Variants in ZNF804B observed in about 807,000 individuals in gnomAD.
The protein encoded by ZNF804B is zinc finger protein 804B.
Under a neutral mutation model 101.4 loss-of-function variants are expected in ZNF804B, and 80 were observed. The ratio of observed to expected loss-of-function variants is 0.79; its 90% CI spans 0.66 to 0.95. ZNF804B has a LOEUF of 0.95. Ranked by LOEUF, ZNF804B falls within the 40% of genes least tolerant of loss-of-function variation. The probability of loss-of-function intolerance (pLI) is 0.00; values close to 1 mark genes in which losing one functional copy is unlikely to be tolerated. For missense variants in ZNF804B, 1,673 were observed against 1,561.9 expected (o/e 1.07, Z -1.20); for synonymous variants, 622 against 558.8 (o/e 1.11, Z -1.59).
intron 2 of ZNF804B, among the ~76,000 whole-genome samples, chr7:89,313,882 G>A (rs139816351): frequency 6.6e-6 from 1 of 152,140 alleles, no homozygotes; most frequent in East Asian, 1.9e-4. Flanking sequence ...GGTTATGGAA[G>A]GTAACTACTC....
At chr7:88,937,984 C>A (rs949427984) in intron 1 of ZNF804B, among the ~76,000 whole-genome samples, 1 of 152,014 alleles carries the variant, frequency 6.6e-6, no homozygotes, top group African/African-American at 2.4e-5. Context: ...GTCCTGGGAA[C>A]ATGTGCCCAA....
intron 2 of ZNF804B, among the ~76,000 whole-genome samples, chr7:89,265,308 G>A (rs962480242): frequency 2.1e-5 from 3 of 143,668 alleles, no homozygotes; most frequent in South Asian, 2.2e-4. Flanking sequence ...GTGCGCGCGC[G>A]CACACATGCA....
intron 1 of ZNF804B, among the ~76,000 whole-genome samples, chr7:88,943,421 G>C (rs1418333560): frequency 6.6e-6 from 1 of 151,818 alleles, no homozygotes; most frequent in Non-Finnish European, 1.5e-5. Flanking sequence ...GCAAGCACTT[G>C]CTTACATTGT....
chr7:88,835,680 ATTTG>A (rs1487140243), intron 1 of ZNF804B, among the ~76,000 whole-genome samples: 1 of 151,852 alleles, frequency 6.6e-6, no homozygotes, highest in East Asian at 1.9e-4. Flanking sequence ...GATAGTAGAT[ATTTG>A]CTTTTTATTT....
intron 1 of ZNF804B, among the ~76,000 whole-genome samples, chr7:89,137,410 G>A (rs1160621890): frequency 6.6e-6 from 1 of 152,084 alleles, no homozygotes; most frequent in East Asian, 1.9e-4. Flanking sequence ...ATAAGGTCCA[G>A]GCTGAGGTGG....
intron 2 of ZNF804B, among the ~76,000 whole-genome samples, chr7:89,326,689 C>T (rs1274210108): frequency 3.9e-5 from 6 of 151,952 alleles, no homozygotes; most frequent in Admixed American, 3.9e-4. Context: ...GCATGTAAGT[C>T]AATTGTTTTA....
At chr7:89,091,084 C>T (rs1453451558) in intron 1 of ZNF804B, among the ~76,000 whole-genome samples, 1 of 152,014 alleles carries the variant, frequency 6.6e-6, no homozygotes, top group Non-Finnish European at 1.5e-5. Flanking sequence ...CCAAAATTTA[C>T]TTCATTTTTT....
At chr7:89,238,370 T>C (rs1789315673) in intron 2 of ZNF804B, among the ~76,000 whole-genome samples, 1 of 152,052 alleles carries the variant, frequency 6.6e-6, no homozygotes, top group African/African-American at 2.4e-5. Context: ...AAACTAAGGG[T>C]TGTGATCTGT....
chr7:89,285,870 C>T (rs544984002), intron 2 of ZNF804B, among the ~76,000 whole-genome samples: 1 of 152,268 alleles, frequency 6.6e-6, no homozygotes, highest in South Asian at 2.1e-4. Context: ...ACAAAGCCTC[C>T]ACCTCTTTTG....
chr7:89,155,629 A>G (rs1584020536), intron 1 of ZNF804B, among the ~76,000 whole-genome samples: 1 of 152,184 alleles, frequency 6.6e-6, no homozygotes, highest in East Asian at 1.9e-4. Context: ...GGGGCCCTTC[A>G]TTATCTGGCT....
At chr7:89,161,240 T>C (rs1188358053) in intron 1 of ZNF804B, among the ~76,000 whole-genome samples, 1 of 151,980 alleles carries the variant, frequency 6.6e-6, no homozygotes, top group Non-Finnish European at 1.5e-5. Flanking sequence ...TAAAGCAGTC[T>C]CTAAAACCCA....
intron 2 of ZNF804B, among the ~76,000 whole-genome samples, chr7:89,308,266 A>C (rs372221880): frequency 6.6e-6 from 1 of 152,176 alleles, no homozygotes; most frequent in Non-Finnish European, 1.5e-5. Context: ...TCTGTGAGCA[A>C]TACTAGTGAA....
At chr7:89,034,659 A>T (rs1367532307) in intron 1 of ZNF804B, among the ~76,000 whole-genome samples, 1 of 152,184 alleles carries the variant, frequency 6.6e-6, no homozygotes, top group East Asian at 1.9e-4. Flanking sequence ...ACTGATGGGC[A>T]TTTGGGTTGG....
Position 89,333,783 on chromosome 7 carries a change from G to T in ZNF804B, c.801G>T (p.Arg267Ser), listed in dbSNP as rs374226876. The stretch of plus-strand genomic sequence containing the variant: ...CTGCAGATAAGTGCAAGTGCTGCAG[G>T]TTTGCAAATAAAGATACACACCTTA... Reference protein sequence around the residue: ...KQTADKCKCCRFANKDTHLTK... With the variant: ...KQTADKCKCCSFANKDTHLTK... Residue 267 changes from arginine (R) to serine (S), a missense_variant, in exon 4 of 4, where the codon AGG becomes AGT. Coordinates refer to ENST00000333190, the MANE Select transcript of ZNF804B (RefSeq NM_181646.5). 1.2e-6 allele frequency: 2 copies of T among 1,611,626 alleles called. No individual in the cohort carries two copies. The highest frequency in any genetic ancestry group is 1.7e-6 in the Non-Finnish European group (2 of 1,178,802).
At chr7:88,966,981 G>A (rs1433260028) in intron 1 of ZNF804B, among the ~76,000 whole-genome samples, 3 of 147,960 alleles carry the variant, frequency 2.0e-5, no homozygotes, top group Non-Finnish European at 4.5e-5. Flanking sequence ...TTTTTTTCAA[G>A]TGTAATACAC....
chr7:89,082,268 T>G (rs568934315), intron 1 of ZNF804B, among the ~76,000 whole-genome samples: 1 of 151,848 alleles, frequency 6.6e-6, no homozygotes, highest in African/African-American at 2.4e-5. Flanking sequence ...GATGTTCAAA[T>G]GCAAAATAGA....
intron 2 of ZNF804B, among the ~76,000 whole-genome samples, chr7:89,287,893 A>G (rs990825334): frequency 6.6e-6 from 1 of 151,810 alleles, no homozygotes; most frequent in Non-Finnish European, 1.5e-5. Context: ...ACTAAGTCTC[A>G]ACAGCATCAA....
chr7:88,970,641 C>T (rs1039807128), intron 1 of ZNF804B, among the ~76,000 whole-genome samples: 1 of 150,934 alleles, frequency 6.6e-6, no homozygotes, highest in East Asian at 2.0e-4. Context: ...GAAATCTTGC[C>T]CACTGCCTGT....
At chr7:89,185,876 C>T (rs925171754) in intron 1 of ZNF804B, among the ~76,000 whole-genome samples, 1 of 150,678 alleles carries the variant, frequency 6.6e-6, no homozygotes, top group African/African-American at 2.4e-5. Context: ...GAGACCCTGT[C>T]TCAATAAGAA....
Sources: gnomAD v4.1 joint callset for allele counts (sites outside exome capture counted in the v4.1 genomes callset) on GRCh38, gnomAD v4.1.1 for gene constraint, MANE v1.5 for transcripts, NCBI Gene and HGNC (gene_info 2026-07-23, HGNC 2026-07-21) for gene names.